RIPOR3: variants seen among roughly 807,000 people sequenced by gnomAD.
RIPOR3 encodes family with sequence similarity 65 member C.
In RIPOR3, 95 loss-of-function variants were observed where a neutral mutation model predicts 114.3. The ratio of observed to expected loss-of-function variants is 0.83; its 90% CI spans 0.70 to 0.99. The LOEUF (loss-of-function observed/expected upper bound fraction) is 0.99. RIPOR3 is among the 50% of genes least tolerant of loss of function. RIPOR3 has a pLI of 0.00. For synonymous variants in RIPOR3, 575 were observed against 543.8 expected (o/e 1.06, Z -0.80); for missense variants, 1,252 against 1,266.9 (o/e 0.99, Z 0.18).
intron 1 of RIPOR3, among the ~76,000 whole-genome samples, chr20:50,650,725 T>C (rs777482022): frequency 2.6e-4 from 39 of 152,250 alleles, no homozygotes; most frequent in Non-Finnish European, 4.7e-4. Context: ...AGTACCAATA[T>C]CACTATTGCT....
rs1027586822 is a variant in RIPOR3, at chr20:50,609,619, C to T, written c.530G>A (p.Arg177Gln). 60 of 1,409,172 alleles carry T rather than the reference C, an allele frequency of 4.3e-5. No individual in the cohort carries two copies. The East Asian group carries it at 5.5e-4, about 13-fold the overall frequency. 87.3% of individuals were successfully genotyped at this position (1,409,172 alleles called of 1,614,324 possible). A position where few individuals can be genotyped will look rare whatever the true frequency, so the allele number is the denominator to read the frequency against. ...FARCPPSRAA[R>Q]ESLQELGRSL... ...GCGGCCCAGCTCCTGCAGGCTCTCT[C>T]GGGCTGCGCGGCTCGGGGGGCACCG... is the stretch of plus-strand genomic sequence containing the variant. Residue 177 changes from arginine (R) to glutamine (Q), a missense_variant, in exon 7 of 22, where the codon CGA (arginine) becomes CAA (glutamine). By Grantham distance (43) the Arg-to-Gln change is conservative. Transcript: ENST00000327979.
At chr20:50,663,925 C>CTTTT (rs11477745) in intron 1 of RIPOR3, among the ~76,000 whole-genome samples, 4 of 123,976 alleles carry the variant, frequency 3.2e-5, no homozygotes, top group Non-Finnish European at 5.1e-5. Context: ...CTCTCTCTCT[C>CTTTT]TTTTTTTTTT....
chr20:50,659,140 A>T (rs76260760), intron 1 of RIPOR3, among the ~76,000 whole-genome samples: 55 of 152,332 alleles, frequency 3.6e-4, no homozygotes, highest in African/African-American at 1.2e-3. Flanking sequence ...GAAAGAAAAA[A>T]AATAATAATG....
intron 4 of RIPOR3, among the ~76,000 whole-genome samples, chr20:50,613,789 G>T (rs552669338): frequency 6.6e-6 from 1 of 152,314 alleles, no homozygotes; most frequent in South Asian, 2.1e-4. Context: ...TGTGAGAAGA[G>T]GGGCAGGTGC....
At chr20:50,679,163 C>G (rs28611017) in intron 1 of RIPOR3, among the ~76,000 whole-genome samples, 69,452 of 100,428 alleles carry the variant, frequency 0.69, 23,792 homozygotes, top group Middle Eastern at 0.77. Flanking sequence ...CACACACACA[C>G]ACAGAGAGAG....
At chr20:50,686,142 C>T (rs1472435209) in intron 1 of RIPOR3, among the ~76,000 whole-genome samples, 1 of 151,906 alleles carries the variant, frequency 6.6e-6, no homozygotes, top group Non-Finnish European at 1.5e-5. Flanking sequence ...CTGCAAGCTC[C>T]GCCTCCCGGG....
intron 4 of RIPOR3, among the ~76,000 whole-genome samples, chr20:50,612,786 G>A (rs898144361): frequency 5.9e-5 from 9 of 152,140 alleles, no homozygotes; most frequent in East Asian, 1.9e-4. Context: ...GTACATATGC[G>A]ATAATGAAAT....
chr20:50,677,623 C>T (rs561809814), intron 1 of RIPOR3, among the ~76,000 whole-genome samples: 2 of 151,092 alleles, frequency 1.3e-5, no homozygotes, highest in African/African-American at 4.9e-5. Flanking sequence ...CCACCTGCCT[C>T]GGCCTCCCAA....
rs527643062 is a variant in RIPOR3 at position 50,640,970 on chromosome 20, C to T, written c.4-10114G>A. 2.2e-4 allele frequency among the ~76,000 whole-genome samples: 31 copies of T among 142,406 alleles called. No individual in the cohort carries two copies. In the South Asian group the frequency reaches 6.7e-3, roughly 31 times the overall value. 93.4% of individuals were successfully genotyped at this position (142,406 alleles called of 152,430 possible). Reference sequence around the variant, plus strand: ...TTTTGCCCAGGCTGGAGTGCAATGGCGCAATCTCGGCTCACCGCAACATCT... The same window carrying T: ...TTTTGCCCAGGCTGGAGTGCAATGGTGCAATCTCGGCTCACCGCAACATCT... On this transcript the variant is annotated intron_variant, in intron 1 of 21. Coordinates refer to ENST00000327979, the MANE Select transcript of RIPOR3 (RefSeq NM_001290268.2).
intron 20 of RIPOR3, 96 bp downstream of exon 20, chr20:50,589,584 TCACGCC>T (rs2083044353): frequency 2.4e-6 from 3 of 1,268,294 alleles, no homozygotes; most frequent in Non-Finnish European, 3.3e-6. Context: ...GCGTGAGCCA[TCACGCC>T]CAGCCCCAGT....
At position 50,595,497 on chromosome 20, in the gene RIPOR3, G is replaced by A. The variant is rs372134470; in HGVS notation, c.1922C>T (p.Ala641Val). The A allele has an allele frequency of 6.2e-7, 1 of 1,613,904 alleles. No homozygotes were observed. The highest frequency in any genetic ancestry group is 1.3e-5 in the African/African-American group (1 of 75,038). The change falls in exon 16 of 22, where the codon GCC (alanine) becomes GTC (valine). Residue 641 changes from alanine to valine, a missense_variant. Transcript: ENST00000327979. ...QVCKALLQKLASPNLSRLVQE... is the reference protein window; with the variant it reads ...QVCKALLQKLVSPNLSRLVQE... ...GACCAGCCTTGATAAATTAGGGGAG[G>A]CCAGTTTCTGGGAAGCAGCCCAGAT...
intron 1 of RIPOR3, among the ~76,000 whole-genome samples, chr20:50,690,847 T>C (rs1568979469): frequency 6.6e-6 from 1 of 152,202 alleles, no homozygotes; most frequent in South Asian, 2.1e-4. Flanking sequence ...ACACAAGGAA[T>C]AGCTGTCATC....
rs1208867020 is a variant in RIPOR3, at chr20:50,587,272, ACTTCT to A, written c.2808_2812del (p.Arg936SerfsTer9). 6.2e-7 allele frequency: 1 copy of A among 1,614,084 alleles called. No individual in the cohort carries two copies. Among genetic ancestry groups the A allele is most frequent in the Non-Finnish European group, 8.5e-7 (1 of 1,180,034 alleles). On this transcript the variant is annotated frameshift_variant, in exon 22 of 22. Coordinates refer to ENST00000327979, the MANE Select transcript of RIPOR3 (RefSeq NM_001290268.2). LOFTEE classifies it high-confidence loss of function. ...TTCAACATCTGCCTCCTGGCAAAAGACTTCTCTTTGTTCTGAGCAGAGCTTGTCCA... is the reference window on the plus strand; with the variant it reads ...TTCAACATCTGCCTCCTGGCAAAAGACTTTGTTCTGAGCAGAGCTTGTCCA...
chr20:50,646,087 T>C (rs1384003724), intron 1 of RIPOR3, among the ~76,000 whole-genome samples: 2 of 152,278 alleles, frequency 1.3e-5, no homozygotes, highest in African/African-American at 4.8e-5. Context: ...TCACATCTTC[T>C]TTGTTCCATT....
In RIPOR3 at chr20:50,587,143, C is replaced by T; in HGVS notation, c.*89G>A. ...CAGCTCACACTCCTGGAGGAGTGCA[C>T]AGCACCATTACCCAGAGTGCAGGCT... On this transcript the variant is annotated 3_prime_UTR_variant, in exon 22 of 22. Transcript: ENST00000327979. 1.0e-6 allele frequency: 1 copy of T among 999,132 alleles called. No individual in the cohort carries two copies. Among genetic ancestry groups the T allele is most frequent in the East Asian group, 2.5e-5 (1 of 40,016 alleles). 61.9% of individuals were successfully genotyped at this position (999,132 alleles called of 1,614,324 possible).
At chr20:50,587,997 C>CTGAGGCCCCAGAGA in intron 20 of RIPOR3, 105 bp from the exon 21 acceptor site, 1 of 1,018,912 alleles carries the variant, frequency 9.8e-7, no homozygotes. Context: ...GTCTCTGGGG[C>CTGAGGCCCCAGAGA]CTCAGCCCCT....
chr20:50,618,845 G>C (rs142617152), intron 3 of RIPOR3, among the ~76,000 whole-genome samples: 7,647 of 152,210 alleles, frequency 0.05, 590 homozygotes, highest in African/African-American at 0.17. Flanking sequence ...GGAGGCCAAG[G>C]CAGGCAGATC....
chr20:50,608,346 A>G, intron 11 of RIPOR3, 43 bp downstream of exon 11: 1 of 1,610,460 alleles, frequency 6.2e-7, no homozygotes, highest in Non-Finnish European at 8.5e-7. Flanking sequence ...CACCAGGGGC[A>G]GCCAGCCAGG....
intron 1 of RIPOR3, among the ~76,000 whole-genome samples, chr20:50,683,734 G>A (rs571021702): frequency 5.3e-5 from 8 of 151,856 alleles, no homozygotes; most frequent in Admixed American, 1.3e-4. Flanking sequence ...TGGGATTACA[G>A]GTGTGAGCCA....
Sources: allele counts gnomAD v4.1 joint callset (sites outside exome capture counted in the v4.1 genomes callset), GRCh38; gene constraint gnomAD v4.1.1; transcripts MANE v1.5; gene names NCBI Gene and HGNC (gene_info 2026-07-23, HGNC 2026-07-21).